The following DLG5 variants were observed in gnomAD, a reference collection of about 807,000 sequenced individuals.
DLG5 encodes disks large homolog 5.
A neutral mutation model predicts 189.8 loss-of-function variants in DLG5; 48 were observed. The ratio of observed to expected loss-of-function variants is 0.25; its 90% CI spans 0.20 to 0.32. The LOEUF (loss-of-function observed/expected upper bound fraction) is 0.32, where lower values mean the gene tolerates loss of function less well. Ranked by LOEUF, DLG5 falls within the 10% of genes least tolerant of loss-of-function variation. DLG5 has a pLI of 1.00. For synonymous variants in DLG5, 1,016 were observed against 1,054.1 expected (o/e 0.96, Z 0.70); for missense variants, 2,160 against 2,544.7 (o/e 0.85, Z 3.25).
rs746032904 is a variant in DLG5 at position 77,926,399 on chromosome 10, C to T, written c.122G>A (p.Arg41Gln). The T allele has an allele frequency of 1.3e-6, 2 of 1,589,510 alleles. No homozygotes were observed. Among genetic ancestry groups the T allele is most frequent in the Non-Finnish European group, 1.7e-6 (2 of 1,170,194 alleles). ...TCCCGCCTCCTCGTCCAGCTGCCGCCGCTCGCCGGGACTGAGCGCTCCCGC... is the reference window on the plus strand; with the variant it reads ...TCCCGCCTCCTCGTCCAGCTGCCGCTGCTCGCCGGGACTGAGCGCTCCCGC... ...EAAGALSPGE[R>Q]RQLDEEAGGA... The change falls in exon 1 of 32, where the codon CGG becomes CAG. Residue 41 changes from arginine (R) to glutamine (Q), a missense_variant. Transcript: ENST00000372391. The surrounding 1 kb of genome is among the most constrained non-coding windows in gnomAD (Gnocchi z 5.2).
intron 8 of DLG5, among the ~76,000 whole-genome samples, chr10:77,834,260 C>T (rs1401739589): frequency 6.6e-6 from 1 of 152,102 alleles, no homozygotes; most frequent in Non-Finnish European, 1.5e-5. Context: ...AAGAGACACC[C>T]CCACAGTCAC....
intron 5 of DLG5, among the ~76,000 whole-genome samples, chr10:77,847,234 G>A (rs1218492758): frequency 6.6e-6 from 1 of 152,154 alleles, no homozygotes; most frequent in East Asian, 1.9e-4. Context: ...AAGACCGAGA[G>A]AGAGAGATCA....
intron 20 of DLG5, among the ~76,000 whole-genome samples, chr10:77,815,154 G>A (rs745519849): frequency 6.6e-6 from 1 of 152,178 alleles, no homozygotes; most frequent in African/African-American, 2.4e-5. Context: ...ACTTGGGGAA[G>A]GTCCCGTCCT....
chr10:77,902,171 G>A (rs893868367), intron 1 of DLG5, among the ~76,000 whole-genome samples: 21 of 152,074 alleles, frequency 1.4e-4, no homozygotes, highest in African/African-American at 5.1e-4. Context: ...CCCAAACACC[G>A]AGTAAAAGGA....
intron 20 of DLG5, among the ~76,000 whole-genome samples, chr10:77,814,795 G>T (rs903557764): frequency 6.6e-6 from 1 of 152,008 alleles, no homozygotes; most frequent in African/African-American, 2.4e-5. Flanking sequence ...GGTTGGTCTT[G>T]AACTCCTGAC....
chr10:77,931,634 C>G (rs540722345), upstream of DLG5, among the ~76,000 whole-genome samples: 1 of 152,074 alleles, frequency 6.6e-6, no homozygotes, highest in Non-Finnish European at 1.5e-5. Context: ...TCCTTCACAC[C>G]TCCTCTACTG....
At chr10:77,827,855 A>C (rs151263669) in intron 13 of DLG5, among the ~76,000 whole-genome samples, 251 of 152,304 alleles carry the variant, frequency 1.6e-3, no homozygotes, top group African/African-American at 5.7e-3. Context: ...AAGCAAAACA[A>C]CACCAAGAAA....
At position 77,806,738 on chromosome 10, in the gene DLG5, C is replaced by CCCCCCCCCCCCCAAAAAAAAAAAAA; in HGVS notation, c.4967+19_4967+20insTTTTTTTTTTTTTGGGGGGGGGGGG. The CCCCCCCCCCCCCAAAAAAAAAAAAA allele has an allele frequency of 6.4e-7, 1 of 1,574,710 alleles. No homozygotes were observed. On this transcript the variant is annotated intron_variant, in intron 26 of 31. Transcript: ENST00000372391. ...CGGCGACCCCTGCCCCACCCCACCC[C>CCCCCCCCCCCCCAAAAAAAAAAAAA]AGGCCCGGAGAACACTTACACATAT... is the stretch of plus-strand genomic sequence containing the variant.
In DLG5 at chr10:77,830,243, T is replaced by C; in HGVS notation, c.1983A>G (p.Lys661=). The C allele has an allele frequency of 6.2e-7, 1 of 1,614,164 alleles. No homozygotes were observed. The highest frequency in any genetic ancestry group is 8.5e-7 in the Non-Finnish European group (1 of 1,180,040). ...DCGIFVTKVD[K]GSIADGRLRV... ...TTAAGCGGCCATCAGCAATGCTTCCTTTGTCCACTTTAGTGACAAATATGC... is the reference window on the plus strand; with the variant it reads ...TTAAGCGGCCATCAGCAATGCTTCCCTTGTCCACTTTAGTGACAAATATGC... The change falls in exon 11 of 32, where the codon AAA becomes AAG. Residue 661 remains lysine, a synonymous_variant. Transcript: ENST00000372391.
At position 77,811,019 on chromosome 10, in the gene DLG5, C is replaced by T. The variant is rs901444133; in HGVS notation, c.4463+75G>A. 176 of 1,539,154 alleles carry T rather than the reference C, an allele frequency of 1.1e-4. 1 individual carries two copies. In the East Asian group the frequency reaches 3.7e-3, roughly 33 times the overall value. ...CATGAGGCCAGCTGCCCAGTGCCCA[C>T]GCCACTTGGAGAATGTGCTCAGCCC... On this transcript the variant is annotated intron_variant, in intron 23 of 31. Coordinates refer to ENST00000372391, the MANE Select transcript of DLG5 (RefSeq NM_004747.4).
chr10:77,796,234 A>C lies in DLG5; in HGVS notation c.5309-46T>G. On this transcript the variant is annotated intron_variant, in intron 28 of 31. Transcript: ENST00000372391. The surrounding 1 kb of genome is among the most constrained non-coding windows in gnomAD (Gnocchi z 5.2). The stretch of plus-strand genomic sequence containing the variant: ...AATCAGGGAGCCCCAGGCCCTGCTG[A>C]GCCCCAGCAGAGGGAGCAGGGGAAG... The C allele has an allele frequency of 1.2e-6, 2 of 1,613,128 alleles. No individual in the cohort carries two copies. The highest frequency in any genetic ancestry group is 1.7e-6 in the Non-Finnish European group (2 of 1,179,776).
chr10:77,830,559 C>T (rs1842849669), intron 10 of DLG5, among the ~76,000 whole-genome samples, 182 bp downstream of exon 10: 2 of 152,188 alleles, frequency 1.3e-5, no homozygotes, highest in African/African-American at 4.8e-5. Context: ...CTCCGAGGAC[C>T]CTGCCCTTCC....
chr10:77,875,210 C>T lies in DLG5; in HGVS notation c.305-6013G>A, dbSNP rs542323177. Among the ~76,000 whole-genome samples, 10 of 152,326 alleles carry T rather than the reference C, an allele frequency of 6.6e-5. No homozygotes were observed. The South Asian group carries it at 1.7e-3, about 25-fold the overall frequency. On this transcript the variant is annotated intron_variant, in intron 1 of 31. Coordinates refer to ENST00000372391, the MANE Select transcript of DLG5 (RefSeq NM_004747.4). Reference sequence around the variant, plus strand: ...AAATCCTACACACAATACTGCTGCCCGGCTCCACAGGGAAGAGCAGTCAGA... The same window carrying T: ...AAATCCTACACACAATACTGCTGCCTGGCTCCACAGGGAAGAGCAGTCAGA...
In DLG5 at chr10:77,821,343, G is replaced by A. The variant is rs1842342937; in HGVS notation, c.3141C>T (p.Pro1047=). Residue 1047 remains proline, a synonymous_variant, in exon 15 of 32, where the codon CCC becomes CCT. Coordinates refer to ENST00000372391, the MANE Select transcript of DLG5 (RefSeq NM_004747.4). The part of the protein sequence containing the change: ...TLVGSSPSTS[P]PSALPPDVDP... ...CCACGTCAGGGGGCAGGGCGCTCGG[G>A]GGACTAGTGGATGGGGAGCTGCCCA... is the stretch of plus-strand genomic sequence containing the variant. 6.8e-6 allele frequency: 11 copies of A among 1,612,930 alleles called. No individual in the cohort carries two copies. Among genetic ancestry groups the A allele is most frequent in the African/African-American group, 1.3e-5 (1 of 74,916 alleles).
At chr10:77,801,183 A>G (rs1042348753) in intron 27 of DLG5, among the ~76,000 whole-genome samples, 2 of 152,226 alleles carry the variant, frequency 1.3e-5, no homozygotes, top group Non-Finnish European at 2.9e-5. Flanking sequence ...ACAGTTACCA[A>G]ACGCAGTCTT....
intron 3 of DLG5, 73 bp from the exon 4 acceptor site, chr10:77,854,443 A>G: frequency 6.3e-7 from 1 of 1,583,042 alleles, no homozygotes; most frequent in South Asian, 1.2e-5. Flanking sequence ...CAGGTCCTGG[A>G]TTAGGCCAGC....
upstream of DLG5, among the ~76,000 whole-genome samples, chr10:77,930,790 G>A (rs1405388474): frequency 1.3e-5 from 2 of 151,284 alleles, no homozygotes; most frequent in Non-Finnish European, 2.9e-5. Context: ...TGGGATTACA[G>A]GTGCGTATGA....
At chr10:77,934,371 C>CA in the DLG5 span, among the ~76,000 whole-genome samples, 36,398 of 95,980 alleles carry the variant, frequency 0.38, 6,558 homozygotes, top group East Asian at 0.51. Flanking sequence ...AACTCCATCT[C>CA]AAAAAAAAAA....
chr10:77,822,493 A>T (rs1248633), intron 14 of DLG5, among the ~76,000 whole-genome samples: 44,716 of 151,946 alleles, frequency 0.29, 7,221 homozygotes, highest in East Asian at 0.55. Flanking sequence ...AAATTACAAA[A>T]ATAAGCCAGG....
Sources: gnomAD v4.1 joint callset for allele counts (sites outside exome capture counted in the v4.1 genomes callset) on GRCh38, gnomAD v4.1.1 for gene constraint, Gnocchi (gnomAD v3.1) non-coding constraint, MANE v1.5 for transcripts, NCBI Gene and HGNC (gene_info 2026-07-23, HGNC 2026-07-21) for gene names.